Variants in TULP1 observed in about 807,000 individuals in gnomAD.
TULP1 encodes the protein TUB like protein 1.
TULP1 carries 50 observed loss-of-function variants against 67.1 expected under a neutral mutation model. That is an observed-to-expected ratio of 0.75 (90% CI 0.59 to 0.94). TULP1 has a LOEUF of 0.94. Among genes scored for constraint, TULP1 ranks in the 40% least tolerant of loss-of-function variants. The pLI is 0.00. For missense variants in TULP1, 746 were observed against 734.1 expected (o/e 1.02, Z -0.19); for synonymous variants, 297 against 294.0 (o/e 1.01, Z -0.11).
chr6:35,510,496 C>CACAG (rs1289049496), intron 5 of TULP1, among the ~76,000 whole-genome samples: 1 of 152,228 alleles, frequency 6.6e-6, no homozygotes, highest in East Asian at 1.9e-4. Context: ...AGGACACCAT[C>CACAG]ACAGCATTGA....
In TULP1 at chr6:35,509,649, C is replaced by T; in HGVS notation, c.703G>A (p.Ala235Thr). The T allele has an allele frequency of 6.2e-7, 1 of 1,614,126 alleles. No homozygotes were observed. The highest frequency in any genetic ancestry group is 8.5e-7 in the Non-Finnish European group (1 of 1,180,030). Residue 235 changes from alanine to threonine, a missense_variant, in exon 7 of 15, where the codon GCC (alanine) becomes ACC (threonine). Ala to Thr is a moderately conservative substitution (Grantham distance 58). This residue lies in a region of TULP1 where 359 missense variants were observed against 341.9 expected (regional missense o/e 1.05). Coordinates refer to ENST00000229771, the MANE Select transcript of TULP1 (RefSeq NM_003322.6). ...TGCCATCCACCTTTCTTCTTCAGGG[C>T]TTTCTTGTCAGGACTGCCTTCCCCA... ...LVGEGSPDKK[A>T]LKKKGTPKGA... is the part of the protein sequence containing the mutation.
At chr6:35,509,148 T>C (rs1021288624) in intron 8 of TULP1, 61 bp downstream of exon 8, 2 of 1,489,562 alleles carry the variant, frequency 1.3e-6, no homozygotes, top group Admixed American at 3.3e-5. Context: ...GGCTCCCAAG[T>C]CCAGGCCCCT....
At position 35,503,792 on chromosome 6, in the gene TULP1, C is replaced by T. The variant is rs139402633; in HGVS notation, c.1169G>A (p.Arg390His). 293 of 1,613,420 alleles carry T rather than the reference C, an allele frequency of 1.8e-4. No homozygotes were observed. The highest frequency in any genetic ancestry group is 2.0e-4 in the Non-Finnish European group (232 of 1,179,882). ...GCTTGCCACATTAGTGCTGTACCCA[C>T]GCTGTGGGTTCTGCCCGTTGTCAAA... ...TVFDNGQNPQRGYSTNVASLR... is the reference protein window; with the variant it reads ...TVFDNGQNPQHGYSTNVASLR... The change falls in exon 12 of 15, where the codon CGT (arginine) becomes CAT (histidine). Residue 390 changes from arginine (R) to histidine (H), a missense_variant. Transcript: ENST00000229771. This position sits in a 1 kb window ranked among gnomAD's most constrained non-coding sequence, Gnocchi z 4.0.
At chr6:35,509,472 C>T (rs1030648290) in intron 7 of TULP1, among the ~76,000 whole-genome samples, 160 bp from the exon 8 acceptor site, 2 of 152,130 alleles carry the variant, frequency 1.3e-5, no homozygotes, top group Admixed American at 6.5e-5. Flanking sequence ...CCTGAGACCG[C>T]ATAGCTATCA....
chr6:35,512,848 C>G lies in TULP1; in HGVS notation c.11G>C (p.Arg4Pro). ...CCACACCTCTCGGAGGGTTTCATCC[C>G]GCAGAGGCATGGTGCCTTTGCCTAT... MPLRDETLREVWAS... is the reference protein window; with the variant it reads MPLPDETLREVWAS... Residue 4 changes from arginine (R) to proline (P), a missense_variant, in exon 1 of 15, where the codon CGG becomes CCG. By Grantham distance (103) the Arg-to-Pro change is moderately radical (BLOSUM62 -2). Around this residue, in one of 3 missense-constraint regions of TULP1, gnomAD observed 359 missense variants for 341.9 expected, o/e 1.05. Coordinates refer to ENST00000229771, the MANE Select transcript of TULP1 (RefSeq NM_003322.6). 1.9e-6 allele frequency: 3 copies of G among 1,613,046 alleles called. No individual in the cohort carries two copies. Among genetic ancestry groups the G allele is most frequent in the Non-Finnish European group, 2.5e-6 (3 of 1,180,004 alleles).
In TULP1 at chr6:35,511,734, T is replaced by C. The variant is rs762751444; in HGVS notation, c.263A>G (p.Tyr88Cys). 60 of 1,590,094 alleles carry C rather than the reference T, an allele frequency of 3.8e-5. No homozygotes were observed. The Middle Eastern group carries it at 8.3e-4, about 22-fold the overall frequency. The change falls in exon 4 of 15, where the codon TAC (tyrosine) becomes TGC (cysteine). Residue 88 changes from tyrosine to cysteine, a missense_variant. Tyr to Cys is a radical substitution (Grantham distance 194). Around this residue, in one of 3 missense-constraint regions of TULP1, gnomAD observed 359 missense variants for 341.9 expected, o/e 1.05. Coordinates refer to ENST00000229771, the MANE Select transcript of TULP1 (RefSeq NM_003322.6). ...PAQARAPQTV[Y>C]ARFLRDPEAK... ...CTCGGGGTCCCTGAGGAACCTGGCG[T>C]AGACCGTCTGCGGCGCCCGGGCCTG...
In TULP1 at chr6:35,509,931, G is replaced by A. The variant is rs1410384143; in HGVS notation, c.500-3C>T. ...GGGGTCAGGGCTTCCCAGGTCTCCT[G>A]GAAATGGAAGATGGGGGTCAGGCAA... On this transcript the variant is annotated splice_polypyrimidine_tract_variant and splice_region_variant and intron_variant, in intron 5 of 14. Transcript: ENST00000229771. The A allele has an allele frequency of 5.0e-6, 8 of 1,613,566 alleles. No homozygotes were observed. Among genetic ancestry groups the A allele is most frequent in the Non-Finnish European group, 6.8e-6 (8 of 1,179,980 alleles).
chr6:35,505,489 G>C (rs764998628), intron 11 of TULP1: 2 of 1,045,132 alleles, frequency 1.9e-6, no homozygotes, highest in South Asian at 2.7e-5. Context: ...TGAGGCCCTG[G>C]GCTGGCAGCA....
chr6:35,511,498 C>T (rs1761201105), intron 4 of TULP1, 150 bp downstream of exon 4: 1 of 1,250,624 alleles, frequency 8.0e-7, no homozygotes, highest in Non-Finnish European at 1.1e-6. Flanking sequence ...TGGTGCTTAG[C>T]ACAATACCTG....
chr6:35,498,097 G>C lies in TULP1; in HGVS notation c.*230C>G, dbSNP rs1768739736. The C allele has an allele frequency of 3.0e-6, 2 of 670,826 alleles. No homozygotes were observed. The highest frequency in any genetic ancestry group is 5.9e-5 in the Admixed American group (2 of 33,804). 41.6% of individuals were successfully genotyped at this position (670,826 alleles called of 1,614,324 possible). On this transcript the variant is annotated 3_prime_UTR_variant, in exon 15 of 15. Transcript: ENST00000229771. The surrounding 1 kb of genome is among the most constrained non-coding windows in gnomAD (Gnocchi z 6.7). ...GGCGAGCTCCGAGACCAGATGTGCG[G>C]CTCCAACTCCAGATGTTCTTCATCT... is the stretch of plus-strand genomic sequence containing the variant.
chr6:35,499,295 T>C (rs1445325385), intron 14 of TULP1, among the ~76,000 whole-genome samples: 1 of 152,186 alleles, frequency 6.6e-6, no homozygotes, highest in Admixed American at 6.5e-5. Flanking sequence ...TGCTTAATAT[T>C]CCCTGCCCCT....
In TULP1 at chr6:35,498,285, C is replaced by G. The variant is rs775265314; in HGVS notation, c.*42G>C. The G allele has an allele frequency of 1.2e-6, 2 of 1,607,532 alleles. No individual in the cohort carries two copies. The highest frequency in any genetic ancestry group is 2.2e-5 in the East Asian group (1 of 44,718). On this transcript the variant is annotated 3_prime_UTR_variant, in exon 15 of 15. Coordinates refer to ENST00000229771, the MANE Select transcript of TULP1 (RefSeq NM_003322.6). The surrounding 1 kb of genome is among the most constrained non-coding windows in gnomAD (Gnocchi z 6.7). ...TGCCAGCCTCCACTGAATCCTTTCC[C>G]CCACGCTGACGGGCTCTGGGGGCGC...
Position 35,509,260 on chromosome 6 carries a change from C to T in TULP1, c.771G>A (p.Thr257=), listed in dbSNP as rs189081258. 9.9e-5 allele frequency: 159 copies of T among 1,613,988 alleles called. No individual in the cohort carries two copies. In the East Asian group the frequency reaches 2.7e-3, roughly 27 times the overall value. Residue 257 remains threonine, a synonymous_variant, in exon 8 of 15, where the codon ACG becomes ACA. Transcript: ENST00000229771. ...CCTTTTGATTGCTCTTCTTTATCAC[C>T]GTAGCTGCCTCCTCCTCCTCTTCTT... is the stretch of plus-strand genomic sequence containing the variant. ...KEEEEEEEAA[T]VIKKSNQKGK... is the part of the protein sequence containing the mutation.
Position 35,509,903 on chromosome 6 carries a change from TG to T in TULP1, c.524del (p.Pro175HisfsTer20). On this transcript the variant is annotated frameshift_variant, in exon 6 of 15. Transcript: ENST00000229771. LOFTEE classifies it high-confidence loss of function. ...PRGDLGSPDP[P>X]PKPLRVRNKE... ...TATTCCTAACACGCAGAGGTTTCGG[TG>T]GGGGGTCAGGGCTTCCCAGGTCTCC... is the stretch of plus-strand genomic sequence containing the variant. 6.2e-7 allele frequency: 1 copy of T among 1,613,670 alleles called. No homozygotes were observed. Among genetic ancestry groups the T allele is most frequent in the Non-Finnish European group, 8.5e-7 (1 of 1,179,942 alleles).
Position 35,512,259 on chromosome 6 carries a change from C to A in TULP1, c.111G>T (p.Pro37=). 7.1e-7 allele frequency: 1 copy of A among 1,401,210 alleles called. No individual in the cohort carries two copies. The highest frequency in any genetic ancestry group is 1.9e-5 in the South Asian group (1 of 53,752). The allele number at this position is 1,401,210 out of a possible 1,614,324, so 86.8% of individuals were successfully genotyped here. ...APRRPKQRPA[P]AQRLRKKRTE... is the part of the protein sequence containing the mutation. ...TCCTCTTCTTCCTTAGCCTCTGTGC[C>A]GGGGCGGGTCGCTGCGGAACGGGGG... Residue 37 remains proline, a synonymous_variant, in exon 3 of 15, where the codon CCG becomes CCT. Transcript: ENST00000229771.
At chr6:35,502,840 C>T (rs1680248337) in intron 13 of TULP1, among the ~76,000 whole-genome samples, 2 of 152,042 alleles carry the variant, frequency 1.3e-5, no homozygotes, top group Admixed American at 6.5e-5. Flanking sequence ...CCAGTATGCT[C>T]CATAATTTAC....
In TULP1 at chr6:35,506,621, A is replaced by G. The variant is rs115175138; in HGVS notation, c.823-342T>C. ...TTTAACACACGCTTGCATAAATTCT[A>G]TCAGGGTGCCATAGTTTCAAGTACT... On this transcript the variant is annotated intron_variant, in intron 8 of 14. Coordinates refer to ENST00000229771, the MANE Select transcript of TULP1 (RefSeq NM_003322.6). Among the ~76,000 whole-genome samples the G allele has an allele frequency of 5.7e-3, 864 of 152,328 alleles. 2 individuals carry two copies. The highest frequency in any genetic ancestry group is 9.6e-3 in the Non-Finnish European group (655 of 68,014).
In TULP1 at chr6:35,512,695, G is replaced by T; in HGVS notation, c.48-5C>A. 1.2e-6 allele frequency: 2 copies of T among 1,613,936 alleles called. No homozygotes were observed. Among genetic ancestry groups the T allele is most frequent in the Non-Finnish European group, 1.7e-6 (2 of 1,179,994 alleles). On this transcript the variant is annotated splice_region_variant and splice_polypyrimidine_tract_variant and intron_variant, in intron 1 of 14. Coordinates refer to ENST00000229771, the MANE Select transcript of TULP1 (RefSeq NM_003322.6). ...AGGCTTTCTTCTTCATGCCCACTGA[G>T]GGTAGCAAAGGGATCAGCCTGTCTC... is the stretch of plus-strand genomic sequence containing the variant.
rs1768764841 is a variant in TULP1 at position 35,498,783 on chromosome 6, C to A, written c.1496-323G>T. Among the ~76,000 whole-genome samples, 1 of 152,180 alleles carries A rather than the reference C, an allele frequency of 6.6e-6. No homozygotes were observed. Among genetic ancestry groups the A allele is most frequent in the South Asian group, 2.1e-4 (1 of 4,830 alleles). On this transcript the variant is annotated intron_variant, in intron 14 of 14. Coordinates refer to ENST00000229771, the MANE Select transcript of TULP1 (RefSeq NM_003322.6). The surrounding 1 kb of genome is among the most constrained non-coding windows in gnomAD (Gnocchi z 6.7). ...GCCCAGCATTCTTCCTTCCCAAATT[C>A]TCTGTTGTTTCTGGCCACAGTCTTT...
Sources: allele counts gnomAD v4.1 joint callset (sites outside exome capture counted in the v4.1 genomes callset), GRCh38; gene constraint gnomAD v4.1.1; regional missense constraint gnomAD v4.1.1; non-coding constraint Gnocchi (gnomAD v3.1); transcripts MANE v1.5; gene names NCBI Gene and HGNC (gene_info 2026-07-23, HGNC 2026-07-21).